Variants in CYB561 observed in about 807,000 individuals in gnomAD.
The protein encoded by CYB561 is cytochrome b561.
Under a neutral mutation model 25.3 loss-of-function variants are expected in CYB561, and 11 were observed. The observed-to-expected ratio is 0.44, with a 90% CI of 0.27 to 0.72. The LOEUF (loss-of-function observed/expected upper bound fraction) is 0.72, where lower values mean the gene tolerates loss of function less well. CYB561 is among the 30% of genes least tolerant of loss of function. The pLI, the probability that CYB561 is intolerant of heterozygous loss-of-function variation, is 0.18. For synonymous variants in CYB561, 165 were observed against 158.8 expected (o/e 1.04, Z -0.29); for missense variants, 295 against 334.9 (o/e 0.88, Z 0.93).
intron 1 of CYB561, among the ~76,000 whole-genome samples, chr17:63,443,128 G>T (rs1008215509): frequency 6.6e-6 from 1 of 152,190 alleles, no homozygotes; most frequent in African/African-American, 2.4e-5. Context: ...AGCATGTGAT[G>T]AAGGAGAAAG....
chr17:63,438,337 A>C (rs1426740336), intron 1 of CYB561: 5 of 802,874 alleles, frequency 6.2e-6, no homozygotes, highest in African/African-American at 1.7e-5. Context: ...ACGCGTCATG[A>C]AGTACATCTC....
At chr17:63,446,309 G>T (rs900471497), upstream of CYB561, 3 of 151,958 alleles carry the variant, frequency 2.0e-5, no homozygotes, top group Non-Finnish European at 1.5e-5. Flanking sequence ...CCGGTTCTGC[G>T]GGCCGTGGCG....
intron 1 of CYB561, chr17:63,438,226 C>T: frequency 6.5e-7 from 1 of 1,535,556 alleles, no homozygotes; most frequent in Non-Finnish European, 8.7e-7. Context: ...TTTTCTGTTT[C>T]ATGAGGCCCT....
intron 1 of CYB561, among the ~76,000 whole-genome samples, chr17:63,443,108 A>T (rs1254676691): frequency 6.6e-6 from 1 of 152,206 alleles, no homozygotes; most frequent in Non-Finnish European, 1.5e-5. Flanking sequence ...CAATTGCCCT[A>T]GAGCGTCCTA....
rs1363878417 is a variant in CYB561 at position 63,435,201 on chromosome 17, A to C, written c.448T>G (p.Phe150Val). 6.2e-7 allele frequency: 1 copy of C among 1,614,102 alleles called. No individual in the cohort carries two copies. The highest frequency in any genetic ancestry group is 1.1e-5 in the South Asian group (1 of 91,090). ...GGGCGGTAGCGGCTCCGCAGGGAGAATGAAGCTCCGGGGAACAGGAAGAAG... is the reference window on the plus strand; with the variant it reads ...GGGCGGTAGCGGCTCCGCAGGGAGACTGAAGCTCCGGGGAACAGGAAGAAG... Reference protein sequence around the residue: ...FSFFLFPGASFSLRSRYRPQH... With the variant: ...FSFFLFPGASVSLRSRYRPQH... Residue 150 changes from phenylalanine to valine, a missense_variant, in exon 5 of 6, where the codon TTC becomes GTC. Phe to Val is a conservative substitution (Grantham distance 50, BLOSUM62 -1). Coordinates refer to ENST00000360793, the MANE Select transcript of CYB561 (RefSeq NM_001915.4).
At position 63,436,172 on chromosome 17, in the gene CYB561, G is replaced by A. The variant is rs376211285; in HGVS notation, c.203-20C>T. On this transcript the variant is annotated intron_variant, in intron 2 of 5. Transcript: ENST00000360793. This position sits in a 1 kb window ranked among gnomAD's most constrained non-coding sequence, Gnocchi z 4.8. ...GCAGGGCTGTGGGAGGTGAGAGAGG[G>A]AACGTGAGTGCATCCGCCTGTGCGT... 90 of 1,612,216 alleles carry A rather than the reference G, an allele frequency of 5.6e-5. No homozygotes were observed. The highest frequency in any genetic ancestry group is 8.0e-5 in the African/African-American group (6 of 74,910).
At chr17:63,435,816 G>A in intron 3 of CYB561, 25 bp from the exon 4 acceptor site, 1 of 1,609,414 alleles carries the variant, frequency 6.2e-7, no homozygotes, top group Non-Finnish European at 8.5e-7. Flanking sequence ...GGTCATATGA[G>A]GACAGGGTTG....
intron 1 of CYB561, chr17:63,438,275 G>T (rs1427361622): frequency 6.9e-7 from 1 of 1,458,912 alleles, no homozygotes; most frequent in Non-Finnish European, 9.3e-7. Flanking sequence ...AGTTACACAG[G>T]CAAGCGCGCT....
chr17:63,444,984 T>G (rs892406303), intron 1 of CYB561, among the ~76,000 whole-genome samples: 1 of 152,180 alleles, frequency 6.6e-6, no homozygotes, highest in Admixed American at 6.5e-5. Context: ...GAGACCAGCC[T>G]GGCCAACATG....
At chr17:63,441,384 G>A (rs2049373884) in intron 1 of CYB561, among the ~76,000 whole-genome samples, 1 of 152,230 alleles carries the variant, frequency 6.6e-6, no homozygotes, top group South Asian at 2.1e-4. Flanking sequence ...GGAAATGGAG[G>A]CTCAAAGAGG....
intron 1 of CYB561, chr17:63,438,200 C>A: frequency 6.5e-7 from 1 of 1,535,696 alleles, no homozygotes; most frequent in Non-Finnish European, 8.7e-7. Flanking sequence ...GCTCAAGGGC[C>A]CAGTGCCCGG....
chr17:63,444,719 A>C (rs1234050851), intron 1 of CYB561, among the ~76,000 whole-genome samples: 1 of 152,216 alleles, frequency 6.6e-6, no homozygotes, highest in Non-Finnish European at 1.5e-5. Flanking sequence ...TTCATTTATG[A>C]ATTGTTCAGA....
intron 1 of CYB561, among the ~76,000 whole-genome samples, chr17:63,442,515 C>G (rs568685246): frequency 6.6e-6 from 1 of 152,130 alleles, no homozygotes; most frequent in Non-Finnish European, 1.5e-5. Flanking sequence ...CCTGGGACAC[C>G]GGCTGTTCTT....
rs558264836 is a variant in CYB561 at position 63,443,061 on chromosome 17, C to T, written c.-14+3184G>A. 9.9e-5 allele frequency among the ~76,000 whole-genome samples: 15 copies of T among 152,270 alleles called. No individual in the cohort carries two copies. The South Asian group carries it at 2.5e-3, about 25-fold the overall frequency. On this transcript the variant is annotated intron_variant, in intron 1 of 5. Transcript: ENST00000360793. ...GGAAAGACTGTGACTGCGGAAAGGC[C>T]GATATCTCTTCTTGATGGGTGAAGG...
At chr17:63,446,343 G>A (rs1225627328), upstream of CYB561, 1 of 151,912 alleles carries the variant, frequency 6.6e-6, no homozygotes, top group Non-Finnish European at 1.5e-5. Flanking sequence ...ATGGCAACCG[G>A]GCGGCGGGCT....
chr17:63,437,766 T>G, intron 1 of CYB561: 1 of 339,046 alleles, frequency 2.9e-6, no homozygotes, highest in Non-Finnish European at 5.2e-6. Flanking sequence ...CCGCCCCTGC[T>G]AGATGCGCGC....
upstream of CYB561, among the ~76,000 whole-genome samples, chr17:63,446,560 C>CG (rs1421511629): frequency 6.6e-6 from 1 of 151,940 alleles, no homozygotes; most frequent in Non-Finnish European, 1.5e-5. Flanking sequence ...CTGCGGCCTG[C>CG]GGGGGTGGAG....
Position 63,436,470 on chromosome 17 carries a change from G to A in CYB561, c.203-318C>T, listed in dbSNP as rs928585838. 2 of 279,076 alleles carry A rather than the reference G, an allele frequency of 7.2e-6. No individual in the cohort carries two copies. Among genetic ancestry groups the A allele is most frequent in the Non-Finnish European group, 1.4e-5 (2 of 144,888 alleles). The allele number at this position is 279,076 out of a possible 1,614,324, so 17.3% of individuals were successfully genotyped here. ...CACCAGGACAGGCAGTGAAGGCAGC[G>A]CCTCTGCCCTCGTCCCCACCTAAAG... On this transcript the variant is annotated intron_variant, in intron 2 of 5. Coordinates refer to ENST00000360793, the MANE Select transcript of CYB561 (RefSeq NM_001915.4). This position sits in a 1 kb window ranked among gnomAD's most constrained non-coding sequence, Gnocchi z 4.8.
intron 1 of CYB561, among the ~76,000 whole-genome samples, chr17:63,440,451 G>A (rs1288264088): frequency 6.6e-6 from 1 of 152,166 alleles, no homozygotes; most frequent in Non-Finnish European, 1.5e-5. Context: ...TGACAGACAT[G>A]CCAGGGACAA....
Sources: gnomAD v4.1 joint callset for allele counts (sites outside exome capture counted in the v4.1 genomes callset) on GRCh38, gnomAD v4.1.1 for gene constraint, Gnocchi (gnomAD v3.1) non-coding constraint, MANE v1.5 for transcripts, NCBI Gene and HGNC (gene_info 2026-07-23, HGNC 2026-07-21) for gene names.